INTS15: variants seen among roughly 807,000 people sequenced by gnomAD.
INTS15 encodes uncharacterized protein C7orf26.
chr7:6,600,406 T>G, the INTS15 span: 3 of 1,538,824 alleles, frequency 1.9e-6, no homozygotes, highest in Admixed American at 5.9e-5. Context: ...ACCGCCGCCC[T>G]GCAGAAGGAA....
the INTS15 span, among the ~76,000 whole-genome samples, chr7:6,590,753 C>T: frequency 6.6e-6 from 1 of 152,142 alleles, no homozygotes; most frequent in Non-Finnish European, 1.5e-5. Flanking sequence ...GGGCTGTTAC[C>T]GAAAGGCTCA....
At chr7:6,601,947 G>C in the INTS15 span, among the ~76,000 whole-genome samples, 1 of 152,190 alleles carries the variant, frequency 6.6e-6, no homozygotes, top group East Asian at 1.9e-4. Context: ...GTGAGCCACT[G>C]CGCCCGGCTA....
At chr7:6,608,684 A>C in the INTS15 span, 1 of 228,306 alleles carries the variant, frequency 4.4e-6, no homozygotes, top group Non-Finnish European at 7.3e-6. Flanking sequence ...GGGGGTGTCT[A>C]AATTTCCTTT....
chr7:6,597,570 C>G, the INTS15 span, among the ~76,000 whole-genome samples: 1 of 152,174 alleles, frequency 6.6e-6, no homozygotes, highest in Non-Finnish European at 1.5e-5. Flanking sequence ...GCTGGGATTA[C>G]AGGCATGAGC....
At chr7:6,598,454 G>T in the INTS15 span, among the ~76,000 whole-genome samples, 4 of 132,892 alleles carry the variant, frequency 3.0e-5, no homozygotes, top group African/African-American at 1.2e-4. Flanking sequence ...GGACAACAGA[G>T]TGGGACTCCA....
At chr7:6,604,865 A>G in the INTS15 span, among the ~76,000 whole-genome samples, 1 of 152,190 alleles carries the variant, frequency 6.6e-6, no homozygotes, top group Admixed American at 6.5e-5. Flanking sequence ...GAGGGGGCGG[A>G]AGGGAACAGT....
chr7:6,606,697 T>C, the INTS15 span, among the ~76,000 whole-genome samples: 2 of 53,488 alleles, frequency 3.7e-5, no homozygotes, highest in Non-Finnish European at 1.2e-4. Flanking sequence ...CAGAGGGCCT[T>C]TTTTTTTTTT....
the INTS15 span, chr7:6,608,177 C>T: frequency 7.2e-6 from 11 of 1,518,468 alleles, no homozygotes; most frequent in East Asian, 2.6e-5. Flanking sequence ...CCCGTGTGTG[C>T]CTTCTGCGCT....
chr7:6,593,652 T>G, the INTS15 span, among the ~76,000 whole-genome samples: 2 of 148,000 alleles, frequency 1.4e-5, no homozygotes, highest in Non-Finnish European at 3.0e-5. Context: ...TTTTTCTGTT[T>G]TTTTTTTTTT....
the INTS15 span, chr7:6,608,665 A>G: frequency 3.2e-6 from 1 of 311,886 alleles, no homozygotes; most frequent in Non-Finnish European, 4.7e-6. Context: ...GGAACTTCTC[A>G]GTTTTATTGG....
At chr7:6,594,277 A>G in the INTS15 span, 1 of 698,148 alleles carries the variant, frequency 1.4e-6, no homozygotes, top group Non-Finnish European at 2.4e-6. Flanking sequence ...AAGTGTTGGG[A>G]TTACAGATAT....
the INTS15 span, among the ~76,000 whole-genome samples, chr7:6,606,307 G>T: frequency 6.6e-6 from 1 of 152,196 alleles, no homozygotes; most frequent in Non-Finnish European, 1.5e-5. Context: ...GGGGCCCTGG[G>T]CCCAAGCCTT....
chr7:6,591,929 T>G, the INTS15 span: 1 of 1,516,244 alleles, frequency 6.6e-7, no homozygotes, highest in Non-Finnish European at 9.1e-7. Flanking sequence ...CCCAGCACTT[T>G]GGGAAGCTGA....
the INTS15 span, chr7:6,590,546 G>C: frequency 7.0e-7 from 1 of 1,427,268 alleles, no homozygotes; most frequent in East Asian, 2.8e-5. Context: ...AGCGATGCAG[G>C]GCTGTGTCAA....
At chr7:6,604,253 G>A in the INTS15 span, among the ~76,000 whole-genome samples, 58 of 152,152 alleles carry the variant, frequency 3.8e-4, no homozygotes, top group Non-Finnish European at 7.6e-4. Flanking sequence ...ATTTTTGTAT[G>A]CACAAAAAAT....
At chr7:6,590,492 T>G in the INTS15 span, 1 of 1,546,866 alleles carries the variant, frequency 6.5e-7, no homozygotes. Flanking sequence ...CCTGAGACGG[T>G]CGGGTTCCCG....
chr7:6,608,404 G>A, the INTS15 span: 3 of 1,386,698 alleles, frequency 2.2e-6, no homozygotes, highest in South Asian at 4.6e-5. Context: ...ATTTTTAAAA[G>A]ATGCCGATCC....
chr7:6,596,269 T>G, the INTS15 span, among the ~76,000 whole-genome samples: 1 of 151,980 alleles, frequency 6.6e-6, no homozygotes, highest in Non-Finnish European at 1.5e-5. Context: ...TTGGCCAGGC[T>G]GGTCTCGAAC....
At chr7:6,596,376 C>T in the INTS15 span, among the ~76,000 whole-genome samples, 5 of 107,892 alleles carry the variant, frequency 4.6e-5, no homozygotes, top group Non-Finnish European at 7.5e-5. Flanking sequence ...ATCTGTCACC[C>T]TTTTTTTTTT....
Sources: allele counts gnomAD v4.1 joint callset (sites outside exome capture counted in the v4.1 genomes callset), GRCh38; gene constraint gnomAD v4.1.1; transcripts MANE v1.5; gene names NCBI Gene and HGNC (gene_info 2026-07-23, HGNC 2026-07-21).